Variants in LRIG1 observed in about 807,000 individuals in gnomAD.
LRIG1 encodes leucine rich repeats and immunoglobulin like domains 1.
In LRIG1, 48 loss-of-function variants were observed where a neutral mutation model predicts 99.2. The observed-to-expected ratio is 0.48, with a 90% CI of 0.38 to 0.62. The LOEUF (loss-of-function observed/expected upper bound fraction) is 0.62. Ranked by LOEUF, LRIG1 falls within the 20% of genes least tolerant of loss-of-function variation. LRIG1 has a pLI of 0.00. For missense variants in LRIG1, 1,646 were observed against 1,434.4 expected, an observed-to-expected ratio of 1.15 and a Z score of -2.38; for synonymous variants, 772 against 596.1, an observed-to-expected ratio of 1.29 and a Z score of -4.30.
chr3:66,427,291 C>T (rs946124864), intron 3 of LRIG1, among the ~76,000 whole-genome samples: 1 of 152,200 alleles, frequency 6.6e-6, no homozygotes, highest in Non-Finnish European at 1.5e-5. Flanking sequence ...TTCACATATG[C>T]CTTCTGAGGC....
intron 12 of LRIG1, chr3:66,387,735 T>C (rs1701442628): frequency 6.6e-6 from 1 of 151,894 alleles, no homozygotes; most frequent in African/African-American, 2.4e-5. Context: ...ATTCACTAAA[T>C]AAACTTTTTA....
chr3:66,440,287 G>A (rs192579921), intron 3 of LRIG1, among the ~76,000 whole-genome samples: 41 of 152,220 alleles, frequency 2.7e-4, no homozygotes, highest in African/African-American at 9.9e-4. Context: ...TAGACATCTA[G>A]ATTTTTTTAA....
intron 9 of LRIG1, among the ~76,000 whole-genome samples, chr3:66,403,039 G>A (rs974150015): frequency 1.3e-5 from 2 of 152,112 alleles, no homozygotes; most frequent in Non-Finnish European, 2.9e-5. Context: ...TACTTCTCCG[G>A]TTCCCTTTCA....
At chr3:66,454,878 ACAT>A (rs970667686) in intron 2 of LRIG1, among the ~76,000 whole-genome samples, 3 of 152,294 alleles carry the variant, frequency 2.0e-5, no homozygotes, top group East Asian at 1.9e-4. Flanking sequence ...TCATAGTACT[ACAT>A]CATCATCATC....
intron 1 of LRIG1, among the ~76,000 whole-genome samples, chr3:66,464,181 T>C (rs939517936): frequency 3.9e-5 from 6 of 152,232 alleles, no homozygotes; most frequent in African/African-American, 1.4e-4. Flanking sequence ...GATGGAAATA[T>C]TGTTTCTGGG....
At chr3:66,498,564 TAAA>T (rs1050819942) in intron 1 of LRIG1, among the ~76,000 whole-genome samples, 9 of 124,658 alleles carry the variant, frequency 7.2e-5, no homozygotes, top group African/African-American at 2.5e-4. Context: ...TGATTCTATT[TAAA>T]AAAAAAAAAA....
intron 3 of LRIG1, among the ~76,000 whole-genome samples, chr3:66,430,496 C>G (rs372685681): frequency 1.3e-5 from 2 of 152,202 alleles, no homozygotes; most frequent in African/African-American, 4.8e-5. Flanking sequence ...AGCCACAGCT[C>G]GGCCCTGCCT....
chr3:66,399,377 A>G (rs576319469), intron 9 of LRIG1, among the ~76,000 whole-genome samples: 43 of 152,332 alleles, frequency 2.8e-4, no homozygotes, highest in Non-Finnish European at 5.9e-4. Context: ...AGGACCACCA[A>G]CCCTTGGGTG....
In LRIG1 at chr3:66,380,433, G is replaced by A; in HGVS notation, c.3112C>T (p.Pro1038Ser). 6.2e-7 allele frequency: 1 copy of A among 1,614,214 alleles called. No individual in the cohort carries two copies. Among genetic ancestry groups the A allele is most frequent in the Non-Finnish European group, 8.5e-7 (1 of 1,180,046 alleles). Residue 1038 changes from proline to serine, a missense_variant, in exon 19 of 19, where the codon CCT (proline) becomes TCT (serine). By Grantham distance (74) the Pro-to-Ser change is moderately conservative. Coordinates refer to ENST00000273261, the MANE Select transcript of LRIG1 (RefSeq NM_015541.3). The part of the protein sequence containing the change: ...LYHPDSTELQ[P>S]ASSLTSGSPE... Reference sequence around the variant, plus strand: ...CTGCCTGAAGTTAATGAAGATGCAGGCTGTAGCTCTGTGGAGTCCGGGTGA... The same window carrying A: ...CTGCCTGAAGTTAATGAAGATGCAGACTGTAGCTCTGTGGAGTCCGGGTGA...
chr3:66,380,919 C>CACAGAGGACAGGCTGCTCAGCTCCACG (rs1370990721), intron 17 of LRIG1, 58 bp from the exon 18 acceptor site: 21 of 1,564,582 alleles, frequency 1.3e-5, no homozygotes, highest in Non-Finnish European at 1.8e-5. Context: ...TTCGTCCCCA[C>CACAGAGGACAGGCTGCTCAGCTCCACG]ACAGAGGACA....
At chr3:66,395,040 C>T (rs1575656402) in intron 11 of LRIG1, among the ~76,000 whole-genome samples, 2 of 152,310 alleles carry the variant, frequency 1.3e-5, no homozygotes, top group African/African-American at 2.4e-5. Flanking sequence ...GCCATCTCAG[C>T]GGACATTCCT....
Position 66,465,161 on chromosome 3 carries a change from G to C in LRIG1, c.219-2652C>G, listed in dbSNP as rs969702576. Among the ~76,000 whole-genome samples the C allele has an allele frequency of 3.3e-5, 5 of 152,260 alleles. No homozygotes were observed. The East Asian group carries it at 9.6e-4, about 29-fold the overall frequency. ...AAGGCTCACGTCCCTTTCTGCTGTG[G>C]ACAAGGGGCTGTTCTGGTTTTTAAG... On this transcript the variant is annotated intron_variant, in intron 1 of 18. Transcript: ENST00000273261.
chr3:66,431,120 T>C (rs1170101546), intron 3 of LRIG1, among the ~76,000 whole-genome samples: 4 of 152,084 alleles, frequency 2.6e-5, no homozygotes, highest in Admixed American at 2.6e-4. Flanking sequence ...CAACCGTGGA[T>C]CCCGGGTACG....
rs551407260 is a variant in LRIG1, at chr3:66,458,050, T to C, written c.290+4388A>G. Among the ~76,000 whole-genome samples the C allele has an allele frequency of 2.0e-5, 3 of 152,396 alleles. No individual in the cohort carries two copies. In the South Asian group the frequency reaches 6.2e-4, roughly 32 times the overall value. On this transcript the variant is annotated intron_variant, in intron 2 of 18. Transcript: ENST00000273261. ...GTTCAACTCTCAGCTTTACCAACCA[T>C]GTGACACTGTGCAAGTTTAACTTTT... is the stretch of plus-strand genomic sequence containing the variant.
intron 10 of LRIG1, among the ~76,000 whole-genome samples, chr3:66,398,432 T>G (rs1459051134): frequency 6.6e-6 from 1 of 151,998 alleles, no homozygotes; most frequent in Non-Finnish European, 1.5e-5. Flanking sequence ...CCCAACAGAG[T>G]TAGAGTCAAA....
chr3:66,428,334 C>T (rs1238173061), intron 3 of LRIG1, among the ~76,000 whole-genome samples: 2 of 152,124 alleles, frequency 1.3e-5, no homozygotes, highest in African/African-American at 4.8e-5. Context: ...GATGCCACTG[C>T]CCTCATATGT....
At chr3:66,406,459 C>CT in intron 8 of LRIG1, 7 of 976,164 alleles carry the variant, frequency 7.2e-6, no homozygotes, top group Non-Finnish European at 8.5e-6. Flanking sequence ...TGGCTCCGGC[C>CT]TCTTTCACAC....
chr3:66,482,086 C>A (rs1013737216), intron 1 of LRIG1, among the ~76,000 whole-genome samples: 1 of 152,216 alleles, frequency 6.6e-6, no homozygotes, highest in South Asian at 2.1e-4. Context: ...GGCCACAGAC[C>A]GGGCAGCCTG....
chr3:66,384,087 T>A lies in LRIG1; in HGVS notation c.1975A>T (p.Ile659Phe). ...GCGTCATCTATTTTCACATCAGTGA[T>A]GAAAAACACGTCGTCATCCGGCATG... ...HVMPDDDVFF[I>F]TDVKIDDAGV... is the part of the protein sequence containing the mutation. Residue 659 changes from isoleucine to phenylalanine, a missense_variant, in exon 14 of 19, where the codon ATC becomes TTC. Transcript: ENST00000273261. 1 of 1,614,084 alleles carries A rather than the reference T, an allele frequency of 6.2e-7. No homozygotes were observed. Among genetic ancestry groups the A allele is most frequent in the Non-Finnish European group, 8.5e-7 (1 of 1,180,046 alleles).
Sources: gnomAD v4.1 joint callset for allele counts (sites outside exome capture counted in the v4.1 genomes callset) on GRCh38, gnomAD v4.1.1 for gene constraint, MANE v1.5 for transcripts, NCBI Gene and HGNC (gene_info 2026-07-23, HGNC 2026-07-21) for gene names.